The following TRPM3 variants were observed in gnomAD, a reference collection of about 807,000 sequenced individuals.
TRPM3 encodes transient receptor potential cation channel subfamily M member 3.
Under a neutral mutation model 181.2 loss-of-function variants are expected in TRPM3, and 77 were observed. The ratio of observed to expected loss-of-function variants is 0.42; its 90% CI spans 0.35 to 0.51. TRPM3 has a LOEUF of 0.51. TRPM3 is among the 20% of genes least tolerant of loss of function. TRPM3 has a pLI of 0.01. For synonymous variants in TRPM3, 745 were observed against 796.4 expected, an observed-to-expected ratio of 0.94 and a Z score of 1.09; for missense variants, 1,759 against 2,196.7, an observed-to-expected ratio of 0.80 and a Z score of 3.98.
chr9:71,278,437 A>G (rs2084394072), intron 1 of TRPM3, among the ~76,000 whole-genome samples: 1 of 152,252 alleles, frequency 6.6e-6, no homozygotes, highest in Non-Finnish European at 1.5e-5. Context: ...ATCAGAACAA[A>G]TGCAAAAGAT....
At chr9:71,344,599 C>A (rs116013668) in intron 1 of TRPM3, among the ~76,000 whole-genome samples, 37 of 152,232 alleles carry the variant, frequency 2.4e-4, no homozygotes, top group Non-Finnish European at 4.7e-4. Flanking sequence ...AATAGCAATA[C>A]AGTGGACGAA....
intron 21 of TRPM3, among the ~76,000 whole-genome samples, chr9:70,597,704 A>AT (rs1044111562): frequency 2.6e-5 from 4 of 152,050 alleles, no homozygotes; most frequent in Non-Finnish European, 4.4e-5. Flanking sequence ...GTTACTTGGG[A>AT]TTTTTTCTTC....
intron 5 of TRPM3, among the ~76,000 whole-genome samples, chr9:70,830,478 C>A (rs556992446): frequency 6.6e-6 from 1 of 152,262 alleles, no homozygotes; most frequent in East Asian, 1.9e-4. Context: ...TACAGTTTCA[C>A]TCATGAGTTT....
intron 8 of TRPM3, among the ~76,000 whole-genome samples, chr9:70,743,553 G>A (rs964945653): frequency 1.3e-5 from 2 of 152,060 alleles, no homozygotes; most frequent in Non-Finnish European, 2.9e-5. Flanking sequence ...GTGGGTTTCC[G>A]ATTGGGTGGG....
Position 70,948,142 on chromosome 9 carries a change from T to C in TRPM3, c.178-83631A>G, listed in dbSNP as rs570859611. Among the ~76,000 whole-genome samples the C allele has an allele frequency of 9.2e-5, 14 of 151,896 alleles. No homozygotes were observed. In the East Asian group the frequency reaches 2.3e-3, roughly 25 times the overall value. ...ATTTTTTTTTTTTTTGTCTTTCAGA[T>C]AGAGCACTAAACAGCTCTTCCTTTT... On this transcript the variant is annotated intron_variant, in intron 1 of 25. Coordinates refer to ENST00000677713, the MANE Select transcript of TRPM3 (RefSeq NM_001366145.2).
At chr9:70,667,522 T>C (rs2062013061) in intron 9 of TRPM3, among the ~76,000 whole-genome samples, 1 of 152,150 alleles carries the variant, frequency 6.6e-6, no homozygotes, top group Non-Finnish European at 1.5e-5. Flanking sequence ...TGTACCTGGT[T>C]CCCCTAGACC....
intron 1 of TRPM3, among the ~76,000 whole-genome samples, chr9:70,983,264 T>G (rs916248486): frequency 1.3e-5 from 2 of 152,156 alleles, no homozygotes; most frequent in African/African-American, 4.8e-5. Flanking sequence ...TTGATGCTGC[T>G]CTTCCAAGCC....
At chr9:71,153,413 C>G (rs1428509300) in intron 1 of TRPM3, among the ~76,000 whole-genome samples, 1 of 151,708 alleles carries the variant, frequency 6.6e-6, no homozygotes, top group Non-Finnish European at 1.5e-5. Flanking sequence ...GCCTCAGCCT[C>G]CTGAGTAGCT....
rs2065250202 is a variant in TRPM3 at position 70,629,215 on chromosome 9, C to CGGGA, written c.1633-3699_1633-3698insTCCC. 3.9e-4 allele frequency among the ~76,000 whole-genome samples: 4 copies of CGGGA among 10,162 alleles called. 1 individual carries two copies. The highest frequency in any genetic ancestry group is 8.2e-4 in the African/African-American group (4 of 4,876). The allele number at this position is 10,162 out of a possible 152,430, so 6.7% of individuals were successfully genotyped here. On this transcript the variant is annotated intron_variant, in intron 12 of 25. Coordinates refer to ENST00000677713, the MANE Select transcript of TRPM3 (RefSeq NM_001366145.2). ...GGATAAATGATTCTGTGACCAGTGC[C>CGGGA]GGGGGGGGGGGGGGCCTGCGTTCTG... is the stretch of plus-strand genomic sequence containing the variant.
chr9:70,598,728 A>C (rs4744606), intron 20 of TRPM3, 58 bp from the exon 21 acceptor site: 1,220,641 of 1,573,364 alleles, frequency 0.78, 475,542 homozygotes, highest in Admixed American at 0.85. Context: ...TTTTCAGCCC[A>C]GTTGGGAAGT....
intron 1 of TRPM3, among the ~76,000 whole-genome samples, chr9:70,920,201 C>G (rs578114453): frequency 1.3e-5 from 2 of 152,110 alleles, no homozygotes; most frequent in African/African-American, 2.4e-5. Context: ...TTCAGCAAAC[C>G]ATTTTTGGAA....
intron 1 of TRPM3, among the ~76,000 whole-genome samples, chr9:71,081,063 CT>C (rs2064244300): frequency 6.6e-6 from 1 of 152,130 alleles, no homozygotes; most frequent in Non-Finnish European, 1.5e-5. Flanking sequence ...TCCCTCTCAG[CT>C]CTCATCTTGG....
chr9:71,069,362 A>C (rs2133498069), intron 1 of TRPM3, among the ~76,000 whole-genome samples: 1 of 152,132 alleles, frequency 6.6e-6, no homozygotes, highest in Admixed American at 6.5e-5. Context: ...CATTTTTAGT[A>C]GAGTCAGGGT....
chr9:70,925,125 C>T (rs897790634), intron 1 of TRPM3, among the ~76,000 whole-genome samples: 1 of 152,140 alleles, frequency 6.6e-6, no homozygotes, highest in Admixed American at 6.6e-5. Flanking sequence ...CCCTACCTGC[C>T]CCTTTCCAGC....
chr9:70,773,197 C>T (rs568652362), intron 7 of TRPM3, among the ~76,000 whole-genome samples: 1 of 152,282 alleles, frequency 6.6e-6, no homozygotes, highest in South Asian at 2.1e-4. Context: ...AAACCTCCTG[C>T]AGTTACTGGG....
intron 1 of TRPM3, among the ~76,000 whole-genome samples, chr9:70,947,691 G>A (rs2133644112): frequency 6.6e-6 from 1 of 152,226 alleles, no homozygotes; most frequent in Middle Eastern, 3.4e-3. Context: ...ACTTCTGGAG[G>A]CTCCAAGACA....
chr9:71,414,536 A>C (rs1166121081), intron 1 of TRPM3, among the ~76,000 whole-genome samples: 2 of 152,156 alleles, frequency 1.3e-5, no homozygotes, highest in Non-Finnish European at 2.9e-5. Flanking sequence ...GCCTGTATAC[A>C]GTAATCACAT....
chr9:71,191,612 T>C (rs575275879), intron 1 of TRPM3, among the ~76,000 whole-genome samples: 1 of 151,938 alleles, frequency 6.6e-6, no homozygotes, highest in South Asian at 2.1e-4. Flanking sequence ...ATTTAAGCAC[T>C]TCTGTACTAG....
rs1031647054 is a variant in TRPM3 at position 71,137,010 on chromosome 9, T to C, written c.184-272499A>G. 2.6e-5 allele frequency among the ~76,000 whole-genome samples: 4 copies of C among 152,184 alleles called. No homozygotes were observed. The South Asian group carries it at 8.3e-4, about 32-fold the overall frequency. On this transcript the variant is annotated intron_variant, in intron 1 of 24. Transcript: ENST00000357533. ...AATCGGAATTGCATTTTAAAATGAC[T>C]CTAGCATCTGTGTAGAAAATGGACT...
Sources: allele counts gnomAD v4.1 joint callset (sites outside exome capture counted in the v4.1 genomes callset), GRCh38; gene constraint gnomAD v4.1.1; transcripts MANE v1.5; gene names NCBI Gene and HGNC (gene_info 2026-07-23, HGNC 2026-07-21).